The following THBS4 variants were observed in gnomAD, a reference collection of about 807,000 sequenced individuals.
THBS4 encodes thrombospondin-4.
Under a neutral mutation model 115.7 loss-of-function variants are expected in THBS4, and 90 were observed. The ratio of observed to expected loss-of-function variants is 0.78; its 90% CI spans 0.66 to 0.93. THBS4 has a LOEUF of 0.93. Among genes scored for constraint, THBS4 ranks in the 40% least tolerant of loss-of-function variants. The probability of loss-of-function intolerance (pLI) is 0.00; values close to 1 mark genes in which losing one functional copy is unlikely to be tolerated. For missense variants in THBS4, 1,087 were observed against 1,232.7 expected (o/e 0.88, Z 1.77); for synonymous variants, 460 against 479.3 (o/e 0.96, Z 0.53).
intron 2 of THBS4, among the ~76,000 whole-genome samples, chr5:80,029,021 A>C (rs1019117547): frequency 1.3e-5 from 2 of 152,198 alleles, no homozygotes; most frequent in Admixed American, 6.5e-5. Flanking sequence ...CAGTTCTTTT[A>C]GTTAGGACAA....
At chr5:80,054,025 A>G (rs1414793328) in intron 2 of THBS4, among the ~76,000 whole-genome samples, 1 of 152,226 alleles carries the variant, frequency 6.6e-6, no homozygotes, top group Non-Finnish European at 1.5e-5. Context: ...GAAAACCAGA[A>G]GATATGTGGG....
chr5:80,040,257 C>T lies in THBS4; in HGVS notation c.269C>T (p.Thr90Ile). 1 of 1,613,812 alleles carries T rather than the reference C, an allele frequency of 6.2e-7. No individual in the cohort carries two copies. Among genetic ancestry groups the T allele is most frequent in the Non-Finnish European group, 8.5e-7 (1 of 1,179,838 alleles). ...STDNSKYFEF[T>I]VMGRLNKAIL... Reference sequence around the variant, plus strand: ...GACAACAGTAAATATTTTGAATTTACTGTGATGGGACGCTTAAACAAAGGT... The same window carrying T: ...GACAACAGTAAATATTTTGAATTTATTGTGATGGGACGCTTAAACAAAGGT... Residue 90 changes from threonine (T) to isoleucine (I), a missense_variant, in exon 2 of 22, where the codon ACT becomes ATT. Physicochemically the swap from Thr to Ile is moderately conservative, Grantham distance 89. Transcript: ENST00000350881.
intron 2 of THBS4, chr5:80,052,286 A>G (rs1258713994): frequency 6.6e-6 from 1 of 152,162 alleles, no homozygotes; most frequent in Non-Finnish European, 1.5e-5. Context: ...TCAGATACAA[A>G]TTATTTTTAT....
At chr5:80,003,031 G>A (rs383122) in intron 2 of THBS4, among the ~76,000 whole-genome samples, 16,386 of 151,948 alleles carry the variant, frequency 0.11, 1,071 homozygotes, top group South Asian at 0.17. Context: ...GAACAAGTGT[G>A]TTTTCTTAAA....
At chr5:80,048,372 A>G (rs947416407) in intron 2 of THBS4, among the ~76,000 whole-genome samples, 1 of 152,146 alleles carries the variant, frequency 6.6e-6, no homozygotes, top group African/African-American at 2.4e-5. Flanking sequence ...TTATTGAAGG[A>G]ATTTGTGAAG....
chr5:79,995,620 T>C (rs1215663394), intron 1 of THBS4, among the ~76,000 whole-genome samples: 2 of 152,032 alleles, frequency 1.3e-5, no homozygotes, highest in Non-Finnish European at 2.9e-5. Context: ...AAGGATGGGA[T>C]CCTAGAAATT....
intron 2 of THBS4, among the ~76,000 whole-genome samples, chr5:80,043,727 T>C (rs1832975925): frequency 6.6e-6 from 1 of 152,170 alleles, no homozygotes; most frequent in Admixed American, 6.5e-5. Flanking sequence ...GCCACTGAGC[T>C]CTCTGCTTCT....
At chr5:80,039,298 A>T (rs1832818252) in intron 1 of THBS4, among the ~76,000 whole-genome samples, 1 of 152,374 alleles carries the variant, frequency 6.6e-6, no homozygotes, top group East Asian at 1.9e-4. Flanking sequence ...TTTGCCTTTT[A>T]AATGACTCTG....
At chr5:80,010,676 C>T (rs1164800275) in intron 2 of THBS4, among the ~76,000 whole-genome samples, 2 of 152,142 alleles carry the variant, frequency 1.3e-5, no homozygotes, top group African/African-American at 2.4e-5. Context: ...GAATTATCAC[C>T]CACTGGAGGA....
rs1325253346 is a variant in THBS4, at chr5:80,059,765, C to CCAA, written c.850_852dup (p.Thr284dup). The CCAA allele has an allele frequency of 6.2e-7, 1 of 1,614,204 alleles. No individual in the cohort carries two copies. Among genetic ancestry groups the CCAA allele is most frequent in the African/African-American group, 1.3e-5 (1 of 75,050 alleles). On this transcript the variant is annotated inframe_insertion, in exon 7 of 22. Coordinates refer to ENST00000350881, the MANE Select transcript of THBS4 (RefSeq NM_003248.6). Reference sequence around the variant, plus strand: ...GGTGCCCCCGGCTCCCCCTGCACCGCCAACACGCCCACCTCGTCGGTGTGA... The same window carrying CCAA: ...GGTGCCCCCGGCTCCCCCTGCACCGCCAACAACACGCCCACCTCGTCGGTGTGA...
At chr5:80,019,050 T>TC (rs573890459) in intron 2 of THBS4, among the ~76,000 whole-genome samples, 463 of 152,116 alleles carry the variant, frequency 3.0e-3, no homozygotes, top group Non-Finnish European at 4.8e-3. Flanking sequence ...TGTTTTTTTT[T>TC]TTTTTTCTTG....
intron 21 of THBS4, 23 bp from the exon 22 acceptor site, chr5:80,083,056 TC>T (rs766882775): frequency 5.6e-6 from 9 of 1,610,496 alleles, no homozygotes; most frequent in Admixed American, 3.3e-5. Context: ...CTCGCTAACC[TC>T]CCTGTGCCCA....
chr5:80,073,855 C>G (rs1239289345), intron 15 of THBS4, among the ~76,000 whole-genome samples: 2 of 152,200 alleles, frequency 1.3e-5, no homozygotes, highest in Non-Finnish European at 2.9e-5. Context: ...TTACTAGGCA[C>G]TCCAGCAAGT....
At chr5:79,997,598 A>G (rs1831821289) in intron 1 of THBS4, among the ~76,000 whole-genome samples, 1 of 152,168 alleles carries the variant, frequency 6.6e-6, no homozygotes, top group Non-Finnish European at 1.5e-5. Flanking sequence ...TCAGCAATTG[A>G]TAGAACTACT....
intron 2 of THBS4, among the ~76,000 whole-genome samples, chr5:80,027,848 C>T (rs932041747): frequency 7.3e-6 from 1 of 136,104 alleles, no homozygotes; most frequent in Admixed American, 8.0e-5. Context: ...GAGCCGAGGT[C>T]GTGCCACTGC....
At position 80,083,082 on chromosome 5, in the gene THBS4, AC is replaced by A; in HGVS notation, c.2829del (p.Ile944SerfsTer?). 1 of 1,613,962 alleles carries A rather than the reference AC, an allele frequency of 6.2e-7. No homozygotes were observed. The highest frequency in any genetic ancestry group is 8.5e-7 in the Non-Finnish European group (1 of 1,179,786). On this transcript the variant is annotated frameshift_variant, in exon 22 of 22. Coordinates refer to ENST00000350881, the MANE Select transcript of THBS4 (RefSeq NM_003248.6). LOFTEE classifies it high-confidence loss of function. ...WSNLKYRCNDTIPEDFQEFQT... is the reference protein window; with the variant it reads ...WSNLKYRCNDXIPEDFQEFQT... Reference sequence around the variant, plus strand: ...CCCTGTGCCCATTCCTATTGCAGACACCATCCCTGAGGACTTCCAAGAGTTT... The same window carrying A: ...CCCTGTGCCCATTCCTATTGCAGACACATCCCTGAGGACTTCCAAGAGTTT...
At position 80,002,271 on chromosome 5, in the gene THBS4, A is replaced by C. The variant is rs372928291; in HGVS notation, n.177+3844A>C. 3.4e-4 allele frequency among the ~76,000 whole-genome samples: 52 copies of C among 152,284 alleles called. No homozygotes were observed. The South Asian group carries it at 9.7e-3, about 29-fold the overall frequency. ...CTGACAAAGATGTGAATCTGAGGCC[A>C]CACTACCTCAAGGGCACCTCTACCA... On this transcript the variant is annotated intron_variant and non_coding_transcript_variant, in intron 2 of 3. Coordinates refer to the THBS4 transcript ENST00000510218.
At chr5:80,071,204 T>G (rs755261439) in intron 13 of THBS4, 24 bp downstream of exon 13, 2 of 1,559,508 alleles carry the variant, frequency 1.3e-6, no homozygotes, top group African/African-American at 2.8e-5. Context: ...GCTTTTGTCT[T>G]TTATTTGGAA....
chr5:80,082,555 A>G lies in THBS4; in HGVS notation c.2824+10A>G, dbSNP rs1409340143. 3 of 1,614,032 alleles carry G rather than the reference A, an allele frequency of 1.9e-6. No homozygotes were observed. The highest frequency in any genetic ancestry group is 2.2e-5 in the South Asian group (2 of 91,062). ...AAGTATCGCTGCAATGGTAATGTGCATTCTCGTTACTGTTCAACATTGTTA... is the reference window on the plus strand; with the variant it reads ...AAGTATCGCTGCAATGGTAATGTGCGTTCTCGTTACTGTTCAACATTGTTA... On this transcript the variant is annotated intron_variant, in intron 21 of 21. Transcript: ENST00000350881.
Sources: gnomAD v4.1 joint callset for allele counts (sites outside exome capture counted in the v4.1 genomes callset) on GRCh38, gnomAD v4.1.1 for gene constraint, MANE v1.5 for transcripts, NCBI Gene and HGNC (gene_info 2026-07-23, HGNC 2026-07-21) for gene names.